Variants in INSL6 observed in about 807,000 individuals in gnomAD.
INSL6 encodes insulin-like peptide INSL6.
A neutral mutation model predicts 9.4 loss-of-function variants in INSL6; 16 were observed. The observed-to-expected ratio is 1.70, with a 90% CI of 1.15 to 2.59. The LOEUF is 2.59. Among genes scored for constraint, INSL6 ranks in the 30% most tolerant of loss-of-function variants. The probability of loss-of-function intolerance (pLI) is 0.00; values close to 1 mark genes in which losing one functional copy is unlikely to be tolerated. For missense variants in INSL6, 391 were observed against 257.3 expected (o/e 1.52, Z -3.56); for synonymous variants, 154 against 96.9 (o/e 1.59, Z -3.46).
chr9:5,105,508 C>A, the INSL6 span, among the ~76,000 whole-genome samples: 6 of 152,260 alleles, frequency 3.9e-5, no homozygotes, highest in South Asian at 1.2e-3. Flanking sequence ...TTTATAGATT[C>A]AATGCCATCC....
chr9:5,126,273 G>C (rs1823989238), intron 3 of INSL6: 4 of 1,236,534 alleles, frequency 3.2e-6, no homozygotes, highest in Non-Finnish European at 4.6e-6. Flanking sequence ...GGAGGAAATT[G>C]AGAAAGAATT....
chr9:5,124,215 A>G (rs936065309), exon 4 of INSL6, among the ~76,000 whole-genome samples: 3 of 151,786 alleles, frequency 2.0e-5, no homozygotes, highest in African/African-American at 7.2e-5. Context: ...TTAGCTTAAT[A>G]AAGTCTCATT....
chr9:5,112,051 A>G, the INSL6 span: 1 of 408,580 alleles, frequency 2.4e-6, no homozygotes. Context: ...CCCAGCTACG[A>G]CGGGGGTCTC....
At chr9:5,072,788 G>A in the INSL6 span, among the ~76,000 whole-genome samples, 1 of 151,886 alleles carries the variant, frequency 6.6e-6, no homozygotes, top group Non-Finnish European at 1.5e-5. Context: ...AGAATTACAG[G>A]GTTTGAAAAT....
chr9:5,093,779 G>A, the INSL6 span, among the ~76,000 whole-genome samples: 14 of 152,106 alleles, frequency 9.2e-5, no homozygotes, highest in African/African-American at 2.2e-4. Flanking sequence ...TAGGGTTTAC[G>A]ACCTCGATGT....
chr9:5,171,194 A>T (rs917347301), intron 1 of INSL6, among the ~76,000 whole-genome samples: 1 of 152,228 alleles, frequency 6.6e-6, no homozygotes, highest in Non-Finnish European at 1.5e-5. Context: ...ATACAAAATC[A>T]ATAAATGTAA....
At chr9:5,037,001 C>G in the INSL6 span, among the ~76,000 whole-genome samples, 3 of 150,980 alleles carry the variant, frequency 2.0e-5, no homozygotes, top group Non-Finnish European at 2.9e-5. Flanking sequence ...ACAATGAACT[C>G]TAACAAATTT....
At position 5,146,732 on chromosome 9, in the gene INSL6, CA is replaced by C. The variant is rs144171261; in HGVS notation, c.377-13141del. On this transcript the variant is annotated intron_variant, in intron 2 of 3. Transcript: ENST00000649639. ...GCAAGTAAAGCAAAACCTGCCTATG[CA>C]GACATGTGCCAGCAAAGCAATGTAG... is the stretch of plus-strand genomic sequence containing the variant. Among the ~76,000 whole-genome samples, 296 of 152,310 alleles carry C rather than the reference CA, an allele frequency of 1.9e-3. 1 individual carries two copies. Among genetic ancestry groups the C allele is most frequent in the African/African-American group, 6.7e-3 (280 of 41,564 alleles).
chr9:5,097,558 G>A, the INSL6 span: 1 of 152,172 alleles, frequency 6.6e-6, no homozygotes, highest in Non-Finnish European at 1.5e-5. Flanking sequence ...CATAGACACA[G>A]ACACATGAGC....
the INSL6 span, among the ~76,000 whole-genome samples, chr9:5,092,964 C>T: frequency 6.6e-6 from 1 of 152,128 alleles, no homozygotes; most frequent in Non-Finnish European, 1.5e-5. Context: ...CCATAGTTGG[C>T]CCAAAAGCAG....
At chr9:5,026,968 A>G in the INSL6 span, among the ~76,000 whole-genome samples, 1 of 152,222 alleles carries the variant, frequency 6.6e-6, no homozygotes, top group African/African-American at 2.4e-5. Context: ...AACTTGACAC[A>G]TTGTTCTTTT....
intron 1 of INSL6, among the ~76,000 whole-genome samples, chr9:5,176,345 C>G (rs1586878463): frequency 6.6e-6 from 1 of 152,246 alleles, no homozygotes; most frequent in African/African-American, 2.4e-5. Flanking sequence ...TCTCCCTTAT[C>G]CTGTTTCATT....
chr9:5,024,618 T>C, the INSL6 span, among the ~76,000 whole-genome samples: 1 of 152,164 alleles, frequency 6.6e-6, no homozygotes, highest in East Asian at 1.9e-4. Context: ...ATTTCCCAAA[T>C]AAACTCTCCT....
At chr9:5,058,056 TCATGTATATAC>T in the INSL6 span, among the ~76,000 whole-genome samples, 1 of 152,316 alleles carries the variant, frequency 6.6e-6, no homozygotes, top group East Asian at 1.9e-4. Context: ...GTATTCTGTG[TCATGTATATAC>T]CACATTTGTT....
chr9:5,029,772 T>C, the INSL6 span: 3 of 1,599,990 alleles, frequency 1.9e-6, no homozygotes, highest in Non-Finnish European at 2.6e-6. Flanking sequence ...CTTTCTCTGC[T>C]TCTTTTCTAG....
chr9:5,167,276 C>G (rs1041628342), intron 1 of INSL6, among the ~76,000 whole-genome samples: 1 of 152,198 alleles, frequency 6.6e-6, no homozygotes, highest in South Asian at 2.1e-4. Flanking sequence ...CCCTCATGAG[C>G]CCATGCCACC....
At chr9:5,014,443 A>G in the INSL6 span, among the ~76,000 whole-genome samples, 2 of 152,222 alleles carry the variant, frequency 1.3e-5, no homozygotes, top group Admixed American at 1.3e-4. Context: ...AGTAGTAAAT[A>G]ATACATTAAG....
At chr9:5,007,343 A>T in the INSL6 span, among the ~76,000 whole-genome samples, 871 of 152,290 alleles carry the variant, frequency 5.7e-3, 9 homozygotes, top group African/African-American at 0.02. Flanking sequence ...GGGTTCTATG[A>T]AAATATATTG....
downstream of INSL6, among the ~76,000 whole-genome samples, chr9:5,160,427 C>G (rs1824902048): frequency 6.6e-6 from 1 of 151,932 alleles, no homozygotes; most frequent in African/African-American, 2.4e-5. Flanking sequence ...CATACCAAAA[C>G]CTATGCGATA....
Sources: allele counts gnomAD v4.1 joint callset (sites outside exome capture counted in the v4.1 genomes callset), GRCh38; gene constraint gnomAD v4.1.1; transcripts MANE v1.5; gene names NCBI Gene and HGNC (gene_info 2026-07-23, HGNC 2026-07-21).